Variants in ZMYM1 observed in about 807,000 individuals in gnomAD.
ZMYM1 encodes zinc finger MYM-type containing 1.
Under a neutral mutation model 60.0 loss-of-function variants are expected in ZMYM1, and 39 were observed. The ratio of observed to expected loss-of-function variants is 0.65; its 90% CI spans 0.50 to 0.85. The LOEUF (loss-of-function observed/expected upper bound fraction) is 0.85, where lower values mean the gene tolerates loss of function less well. ZMYM1 is among the 40% of genes least tolerant of loss of function. The pLI is 0.00. For missense variants in ZMYM1, 1,171 were observed against 1,309.5 expected, an observed-to-expected ratio of 0.89 and a Z score of 1.63; for synonymous variants, 413 against 454.0, an observed-to-expected ratio of 0.91 and a Z score of 1.15.
chr1:35,075,890 CTG>C (rs1392353420), upstream of ZMYM1, among the ~76,000 whole-genome samples: 2 of 152,210 alleles, frequency 1.3e-5, no homozygotes, highest in African/African-American at 4.8e-5. Flanking sequence ...CTTTAGGGAA[CTG>C]TGAGGCTGAC....
At chr1:35,104,144 A>G (rs1643799029) in intron 4 of ZMYM1, 151 bp from the exon 5 acceptor site, 3 of 624,506 alleles carry the variant, frequency 4.8e-6, no homozygotes, top group Admixed American at 6.6e-5. Flanking sequence ...AAATTTAGGG[A>G]GTATAAATGT....
intron 1 of ZMYM1, chr1:35,093,586 C>T (rs544663746): frequency 3.2e-5 from 5 of 154,186 alleles, no homozygotes; most frequent in East Asian, 3.8e-4. Flanking sequence ...CGTGAGCCAC[C>T]GACCCTGGCC....
At chr1:35,062,047 G>T (rs970964911) in intron 1 of ZMYM1, among the ~76,000 whole-genome samples, 1 of 151,958 alleles carries the variant, frequency 6.6e-6, no homozygotes, top group Non-Finnish European at 1.5e-5. Context: ...GGCCAAGCTG[G>T]CCTCGAACTC....
rs1029051953 is a variant in ZMYM1, at chr1:35,105,126, CTTTTTTTTTTTTTTTTT to C, written c.807+364_807+380del. Among the ~76,000 whole-genome samples the C allele has an allele frequency of 1.2e-4, 12 of 96,554 alleles. No individual in the cohort carries two copies. The South Asian group carries it at 1.8e-3, about 14-fold the overall frequency. The allele number at this position is 96,554 out of a possible 152,430, so 63.3% of individuals were successfully genotyped here. On this transcript the variant is annotated intron_variant, in intron 6 of 9. Coordinates refer to ENST00000359858, the MANE Select transcript of ZMYM1 (RefSeq NM_024772.5). ...TTTTATGTATTTATTTTATTTCTTTCTTTTTTTTTTTTTTTTTTTTTTTGGTGAGATGGAGTCTTCCT... is the reference window on the plus strand; with the variant it reads ...TTTTATGTATTTATTTTATTTCTTTCTTTTTTGGTGAGATGGAGTCTTCCT...
intron 4 of ZMYM1, among the ~76,000 whole-genome samples, chr1:35,103,841 T>A (rs1474078184): frequency 6.6e-6 from 1 of 152,240 alleles, no homozygotes; most frequent in Non-Finnish European, 1.5e-5. Flanking sequence ...TTCTCTGTCC[T>A]ATAGATTCTA....
exon 1 of ZMYM1, chr1:35,059,809 C>G (rs1028750160): frequency 7.9e-5 from 12 of 152,100 alleles, no homozygotes; most frequent in African/African-American, 2.9e-4. Context: ...GAGTCTCCAG[C>G]CTCTCTTTGC....
chr1:35,102,317 A>G (rs1643703057), intron 4 of ZMYM1, among the ~76,000 whole-genome samples: 1 of 152,224 alleles, frequency 6.6e-6, no homozygotes, highest in Non-Finnish European at 1.5e-5. Flanking sequence ...CTGTTATGTT[A>G]GAATTCGTTA....
rs1553136326 is a variant in ZMYM1 at position 35,068,649 on chromosome 1, A to AT, written c.-301+8724_-301+8725insT. 7.5e-3 allele frequency among the ~76,000 whole-genome samples: 1,085 copies of AT among 145,250 alleles called. 3 individuals carry two copies. Among genetic ancestry groups the AT allele is most frequent in the Non-Finnish European group, 0.01 (666 of 66,502 alleles). On this transcript the variant is annotated intron_variant, in intron 1 of 10. Coordinates refer to the ZMYM1 transcript ENST00000417119. ...CTGGAAATCCATACGCAAAAAAAAA[A>AT]ATATATATATATATATATAAAACTA... is the stretch of plus-strand genomic sequence containing the variant.
Position 35,114,048 on chromosome 1 carries a change from G to A in ZMYM1, c.2218G>A (p.Ala740Thr), listed in dbSNP as rs757420291. The change falls in exon 10 of 10, where the codon GCT becomes ACT. Residue 740 changes from alanine to threonine, a missense_variant. By Grantham distance (58) the Ala-to-Thr change is moderately conservative. Transcript: ENST00000359858. The part of the protein sequence containing the change: ...AAEFKKEEPR[A>T]LYIHCYAHFL... ...AGAATTCAAGAAAGAAGAACCAAGA[G>A]CTTTATACATACATTGTTATGCACA... The A allele has an allele frequency of 8.7e-6, 14 of 1,608,990 alleles. No homozygotes were observed. The highest frequency in any genetic ancestry group is 6.8e-5 in the Admixed American group (4 of 58,748).
intron 3 of ZMYM1, among the ~76,000 whole-genome samples, chr1:35,097,007 T>C (rs1365959304): frequency 6.6e-6 from 1 of 151,976 alleles, no homozygotes; most frequent in African/African-American, 2.4e-5. Context: ...GTATTTTTAA[T>C]TGAGATGGGG....
upstream of ZMYM1, among the ~76,000 whole-genome samples, chr1:35,077,557 G>A (rs1642188114): frequency 1.3e-5 from 2 of 152,172 alleles, no homozygotes; most frequent in Non-Finnish European, 2.9e-5. Flanking sequence ...CCTGAGACCA[G>A]TGCTTGAGAT....
At chr1:35,086,128 T>G (rs75564794) in intron 1 of ZMYM1, among the ~76,000 whole-genome samples, 1 of 152,198 alleles carries the variant, frequency 6.6e-6, no homozygotes, top group Non-Finnish European at 1.5e-5. Flanking sequence ...ACAGAAAATA[T>G]TGAAGATTTG....
chr1:35,099,520 A>T (rs551649469), intron 4 of ZMYM1, among the ~76,000 whole-genome samples: 1 of 152,240 alleles, frequency 6.6e-6, no homozygotes, highest in South Asian at 2.1e-4. Flanking sequence ...CTAGAATAAA[A>T]TTTTTTTATA....
In ZMYM1 at chr1:35,060,352, G is replaced by C. The variant is rs12074907; in HGVS notation, c.-301+427G>C. 8.1e-3 allele frequency among the ~76,000 whole-genome samples: 1,231 copies of C among 151,972 alleles called. 23 individuals are homozygous for C. Among genetic ancestry groups the C allele is most frequent in the African/African-American group, 0.028 (1,161 of 41,438 alleles). On this transcript the variant is annotated intron_variant, in intron 1 of 10. Transcript: ENST00000417119. ...ATTTTCTATTTTTAGTAGAGACGGG[G>C]TTTCTCCATGTTGGTCAGGCTGGTC... is the stretch of plus-strand genomic sequence containing the variant.
intron 2 of ZMYM1, among the ~76,000 whole-genome samples, chr1:35,094,353 T>G (rs1643194488): frequency 6.6e-6 from 1 of 152,202 alleles, no homozygotes; most frequent in South Asian, 2.1e-4. Flanking sequence ...GGTTAACACT[T>G]TTTTTCTTTT....
chr1:35,093,895 T>G lies in ZMYM1; in HGVS notation c.-74-19T>G, dbSNP rs1643166463. On this transcript the variant is annotated intron_variant, in intron 1 of 9. Coordinates refer to ENST00000359858, the MANE Select transcript of ZMYM1 (RefSeq NM_024772.5). ...GGACTAATTTTAAAATCAAACTCTT[T>G]ATCAATATTTTATTTTAGGAATCTG... 1.2e-6 allele frequency: 1 copy of G among 867,884 alleles called. No individual in the cohort carries two copies. The highest frequency in any genetic ancestry group is 2.1e-5 in the South Asian group (1 of 47,536). 53.8% of individuals were successfully genotyped at this position (867,884 alleles called of 1,614,324 possible). A position where few individuals can be genotyped will look rare whatever the true frequency, so the allele number is the denominator to read the frequency against.
At chr1:35,094,386 G>A (rs147418262) in intron 2 of ZMYM1, among the ~76,000 whole-genome samples, 13 of 151,942 alleles carry the variant, frequency 8.6e-5, no homozygotes, top group African/African-American at 3.1e-4. Flanking sequence ...TTCCAGAGAA[G>A]GTTAACACAT....
intron 4 of ZMYM1, 163 bp from the exon 5 acceptor site, chr1:35,104,132 T>C: frequency 1.6e-6 from 1 of 608,834 alleles, no homozygotes; most frequent in Non-Finnish European, 2.8e-6. Flanking sequence ...ATGAGAAAAT[T>C]AAAATTTAGG....
At chr1:35,110,248 C>T in intron 6 of ZMYM1, 46 bp from the exon 7 acceptor site, 1 of 1,322,584 alleles carries the variant, frequency 7.6e-7, no homozygotes, top group Non-Finnish European at 9.9e-7. Flanking sequence ...TCATTAACAA[C>T]ATATCATATA....
Sources: allele counts gnomAD v4.1 joint callset (sites outside exome capture counted in the v4.1 genomes callset), GRCh38; gene constraint gnomAD v4.1.1; transcripts MANE v1.5; gene names NCBI Gene and HGNC (gene_info 2026-07-23, HGNC 2026-07-21).